The following MEI4 variants were observed in gnomAD, a reference collection of about 807,000 sequenced individuals.
MEI4 encodes the protein meiotic double-stranded break formation protein 4, also known as meiosis-specific protein MEI4.
Under a neutral mutation model 31.4 loss-of-function variants are expected in MEI4, and 27 were observed. The observed-to-expected ratio is 0.86, with a 90% confidence interval of 0.63 to 1.19. MEI4 has a LOEUF of 1.19. MEI4 is among the 50% of genes most tolerant of loss of function. The pLI is 0.00. For synonymous variants in MEI4, 122 were observed against 145.4 expected, an observed-to-expected ratio of 0.84 and a Z score of 1.16; for missense variants, 329 against 398.9, an observed-to-expected ratio of 0.82 and a Z score of 1.49.
At chr6:77,793,114 G>C (rs1346737895) in intron 3 of MEI4, among the ~76,000 whole-genome samples, 1 of 151,234 alleles carries the variant, frequency 6.6e-6, no homozygotes, top group African/African-American at 2.4e-5. Context: ...TTTTTTTTCT[G>C]AGCTTGCTAT....
chr6:77,749,246 G>C (rs1767700824), intron 2 of MEI4, among the ~76,000 whole-genome samples: 3 of 152,118 alleles, frequency 2.0e-5, no homozygotes, highest in Admixed American at 1.3e-4. Context: ...AACAGCAAGA[G>C]AAGAAAACTG....
chr6:77,807,123 T>C (rs35819567), intron 3 of MEI4, among the ~76,000 whole-genome samples: 10,495 of 150,212 alleles, frequency 0.07, 541 homozygotes, highest in Non-Finnish European at 0.11. Context: ...ATGCTATTTC[T>C]TTGGAAATAG....
intron 2 of MEI4, among the ~76,000 whole-genome samples, chr6:77,712,992 C>T (rs1307485981): frequency 7.9e-5 from 12 of 151,352 alleles, no homozygotes; most frequent in African/African-American, 2.2e-4. Context: ...AAAGAAGAAG[C>T]ATTATTGATG....
intron 4 of MEI4, among the ~76,000 whole-genome samples, chr6:77,848,613 C>T (rs948906286): frequency 6.6e-6 from 1 of 152,090 alleles, no homozygotes; most frequent in Non-Finnish European, 1.5e-5. Context: ...GGGGAAAGTG[C>T]ACTTGTTGGT....
chr6:77,888,970 T>C (rs983468033), intron 4 of MEI4, among the ~76,000 whole-genome samples: 2 of 152,180 alleles, frequency 1.3e-5, no homozygotes, highest in Admixed American at 6.5e-5. Context: ...AAGAAGTACA[T>C]ATGTGCTTCC....
chr6:77,918,564 C>G (rs1439901422), intron 4 of MEI4, among the ~76,000 whole-genome samples: 4 of 149,052 alleles, frequency 2.7e-5, no homozygotes, highest in Non-Finnish European at 5.9e-5. Flanking sequence ...ATTTGGCTCT[C>G]TGTTTGTCTG....
At chr6:77,760,445 CTTATA>C (rs1768016775) in intron 2 of MEI4, among the ~76,000 whole-genome samples, 1 of 149,740 alleles carries the variant, frequency 6.7e-6, no homozygotes, top group Non-Finnish European at 1.5e-5. Context: ...CTTAACATGT[CTTATA>C]TTATCTTTTA....
At chr6:77,665,275 G>A (rs1768605141) in intron 1 of MEI4, among the ~76,000 whole-genome samples, 1 of 150,814 alleles carries the variant, frequency 6.6e-6, no homozygotes, top group South Asian at 2.1e-4. Flanking sequence ...TAAGGGATTG[G>A]GGGTTCTTGC....
At chr6:77,921,248 TTA>T (rs1307382533) in intron 4 of MEI4, among the ~76,000 whole-genome samples, 1 of 151,880 alleles carries the variant, frequency 6.6e-6, no homozygotes, top group African/African-American at 2.4e-5. Context: ...CCTTGTAATT[TTA>T]TGTTATAAAG....
chr6:77,827,322 C>T (rs536823887), intron 3 of MEI4, among the ~76,000 whole-genome samples: 8 of 136,758 alleles, frequency 5.8e-5, no homozygotes, highest in African/African-American at 2.2e-4. Flanking sequence ...GATCCCGCCA[C>T]TGCACTCCAG....
intron 3 of MEI4, among the ~76,000 whole-genome samples, chr6:77,800,123 A>G (rs978073312): frequency 8.5e-5 from 13 of 152,176 alleles, no homozygotes; most frequent in Non-Finnish European, 1.8e-4. Context: ...CTTCCTACCC[A>G]TGAGCATGGA....
chr6:77,919,445 A>T (rs1438904788), intron 4 of MEI4, among the ~76,000 whole-genome samples: 2 of 152,110 alleles, frequency 1.3e-5, no homozygotes, highest in Non-Finnish European at 2.9e-5. Flanking sequence ...GTTCTTTGAA[A>T]CCAACGAGAA....
At chr6:77,866,662 T>C (rs1308686820) in intron 4 of MEI4, among the ~76,000 whole-genome samples, 1 of 152,198 alleles carries the variant, frequency 6.6e-6, no homozygotes, top group African/African-American at 2.4e-5. Flanking sequence ...CAAAGTAATT[T>C]ATAGATTCAG....
chr6:77,905,617 C>T (rs12660163), intron 4 of MEI4, among the ~76,000 whole-genome samples: 13,827 of 150,796 alleles, frequency 0.092, 924 homozygotes, highest in East Asian at 0.31. Flanking sequence ...CTGCCTCAGC[C>T]TCCTGAGTAG....
At chr6:77,857,541 A>G (rs1770774664) in intron 4 of MEI4, among the ~76,000 whole-genome samples, 1 of 152,202 alleles carries the variant, frequency 6.6e-6, no homozygotes, top group Non-Finnish European at 1.5e-5. Flanking sequence ...AAGCAAAGCC[A>G]CAAGTATATG....
Position 77,901,731 on chromosome 6 carries a change from G to A in MEI4, c.901-21358G>A, listed in dbSNP as rs574392852. Among the ~76,000 whole-genome samples the A allele has an allele frequency of 2.6e-5, 4 of 151,982 alleles. No homozygotes were observed. In the South Asian group the frequency reaches 6.2e-4, roughly 24 times the overall value. ...TTTTTAGCTTAGTATAATTCCATTT[G>A]ACTAGCTTTTCTTTTCTGGCCTGTA... On this transcript the variant is annotated intron_variant, in intron 4 of 4. Coordinates refer to ENST00000684080, the MANE Select transcript of MEI4 (RefSeq NM_001322247.2).
intron 1 of MEI4, among the ~76,000 whole-genome samples, chr6:77,664,059 C>G (rs753722736): frequency 6.6e-6 from 1 of 152,094 alleles, no homozygotes; most frequent in Non-Finnish European, 1.5e-5. Context: ...AACGCCTGGC[C>G]GTTGCGATTC....
At chr6:77,899,944 A>T (rs151184671) in intron 4 of MEI4, among the ~76,000 whole-genome samples, 4 of 152,038 alleles carry the variant, frequency 2.6e-5, no homozygotes, top group Admixed American at 6.6e-5. Context: ...AAAAAAAAAC[A>T]GGAAATCCTT....
Position 77,925,340 on chromosome 6 carries a change from A to G in MEI4, c.*1994A>G, listed in dbSNP as rs572465596. On this transcript the variant is annotated 3_prime_UTR_variant, in exon 5 of 5. Transcript: ENST00000684080. ...TATTTCCATTTGGTATCCATTTTAT[A>G]TAAACATTTAACTTCCACCAAGTAT... 5 of 152,022 alleles carry G rather than the reference A, an allele frequency of 3.3e-5. No individual in the cohort carries two copies. In the South Asian group the frequency reaches 1.0e-3, roughly 31 times the overall value. 9.4% of individuals were successfully genotyped at this position (152,022 alleles called of 1,614,324 possible).
Sources: allele counts gnomAD v4.1 joint callset (sites outside exome capture counted in the v4.1 genomes callset), GRCh38; gene constraint gnomAD v4.1.1; transcripts MANE v1.5; gene names NCBI Gene and HGNC (gene_info 2026-07-23, HGNC 2026-07-21).